The following BPGM variants were observed in gnomAD, a reference collection of about 807,000 sequenced individuals.
The protein encoded by BPGM is bisphosphoglycerate mutase, also known as 2,3-bisphosphoglycerate mutase, erythrocyte.
BPGM carries 15 observed loss-of-function variants against 21.6 expected under a neutral mutation model. The ratio of observed to expected loss-of-function variants is 0.70; its 90% CI spans 0.47 to 1.07. The LOEUF is 1.07. Among genes scored for constraint, BPGM ranks in the 50% least tolerant of loss-of-function variants. The pLI, the probability that BPGM is intolerant of heterozygous loss-of-function variation, is 0.00. For missense variants in BPGM, 273 were observed against 319.0 expected, an observed-to-expected ratio of 0.86 and a Z score of 1.10; for synonymous variants, 113 against 116.2, an observed-to-expected ratio of 0.97 and a Z score of 0.18.
At chr7:134,673,747 TCTCTC>T (rs2131459326) in intron 2 of BPGM, among the ~76,000 whole-genome samples, 1 of 152,152 alleles carries the variant, frequency 6.6e-6, no homozygotes, top group East Asian at 1.9e-4. Context: ...AACATTCTTC[TCTCTC>T]CTCCTCAGTA....
At chr7:134,663,146 G>A (rs1030421897) in intron 2 of BPGM, among the ~76,000 whole-genome samples, 2 of 152,194 alleles carry the variant, frequency 1.3e-5, no homozygotes, top group Non-Finnish European at 2.9e-5. Flanking sequence ...ATAAGAGGCT[G>A]TGACAAATAA....
Position 134,679,124 on chromosome 7 carries a change from C to T in BPGM, c.*93C>T. On this transcript the variant is annotated 3_prime_UTR_variant, in exon 3 of 3. Transcript: ENST00000344924. Reference sequence around the variant, plus strand: ...ACTCTCTCTCTTTTTCCCCGATTTTCCAGAGCTAGGCTGTGGAGTAGAGTT... The same window carrying T: ...ACTCTCTCTCTTTTTCCCCGATTTTTCAGAGCTAGGCTGTGGAGTAGAGTT... The T allele has an allele frequency of 1.4e-6, 2 of 1,431,254 alleles. No homozygotes were observed. The highest frequency in any genetic ancestry group is 1.2e-5 in the South Asian group (1 of 83,092). The allele number at this position is 1,431,254 out of a possible 1,614,324, so 88.7% of individuals were successfully genotyped here.
chr7:134,664,665 G>A (rs1795786736), intron 2 of BPGM, among the ~76,000 whole-genome samples: 1 of 152,116 alleles, frequency 6.6e-6, no homozygotes, highest in Non-Finnish European at 1.5e-5. Flanking sequence ...CTGCAGAGCA[G>A]CATTATTCAC....
At chr7:134,663,278 T>C (rs1480665245) in intron 2 of BPGM, among the ~76,000 whole-genome samples, 1 of 152,246 alleles carries the variant, frequency 6.6e-6, no homozygotes, top group Non-Finnish European at 1.5e-5. Flanking sequence ...AATCATTACT[T>C]GTATAGCTGA....
intron 1 of BPGM, among the ~76,000 whole-genome samples, chr7:134,647,788 T>G (rs187511403): frequency 6.6e-6 from 1 of 152,294 alleles, no homozygotes; most frequent in Admixed American, 6.5e-5. Context: ...CATGTCAATT[T>G]GTCTTTTATT....
intron 1 of BPGM, among the ~76,000 whole-genome samples, chr7:134,650,002 A>G (rs2347687): frequency 0.58 from 88,406 of 151,690 alleles, 26,726 homozygotes; most frequent in East Asian, 0.89. Flanking sequence ...ATCTCATTTA[A>G]TCTTTCTGAT....
At chr7:134,651,208 G>T (rs973705450) in intron 1 of BPGM, among the ~76,000 whole-genome samples, 3 of 152,076 alleles carry the variant, frequency 2.0e-5, no homozygotes, top group African/African-American at 7.2e-5. Flanking sequence ...GGTTCTATTT[G>T]TCTTATTTTA....
chr7:134,678,129 C>T (rs1796008761), intron 2 of BPGM, among the ~76,000 whole-genome samples: 1 of 152,224 alleles, frequency 6.6e-6, no homozygotes, highest in South Asian at 2.1e-4. Flanking sequence ...ACTGCTACTA[C>T]AACTACAGCT....
chr7:134,668,607 A>G (rs1763041103), intron 2 of BPGM, among the ~76,000 whole-genome samples: 1 of 152,190 alleles, frequency 6.6e-6, no homozygotes, highest in African/African-American at 2.4e-5. Flanking sequence ...GAACTAGAAC[A>G]TGGCTCTGAA....
At chr7:134,656,475 A>C (rs570562128) in intron 1 of BPGM, among the ~76,000 whole-genome samples, 103 of 152,352 alleles carry the variant, frequency 6.8e-4, no homozygotes, top group African/African-American at 2.4e-3. Context: ...AATTTTATAA[A>C]GGAAAGAGGT....
chr7:134,649,174 GT>G (rs200013019), intron 1 of BPGM, among the ~76,000 whole-genome samples: 21,915 of 150,486 alleles, frequency 0.15, 1,816 homozygotes, highest in African/African-American at 0.21. Flanking sequence ...CAATTAAATT[GT>G]TTTTTTTTTT....
At chr7:134,666,770 T>C (rs1795827513) in intron 2 of BPGM, among the ~76,000 whole-genome samples, 1 of 152,230 alleles carries the variant, frequency 6.6e-6, no homozygotes, top group Non-Finnish European at 1.5e-5. Context: ...GCATAAGTTA[T>C]TGTCTCTAAA....
intron 1 of BPGM, among the ~76,000 whole-genome samples, chr7:134,649,905 C>T (rs2347686): frequency 0.58 from 88,815 of 152,054 alleles, 26,941 homozygotes; most frequent in East Asian, 0.89. Flanking sequence ...ATTGCTTTGA[C>T]GGGCCTGAGA....
intron 2 of BPGM, among the ~76,000 whole-genome samples, chr7:134,671,503 A>G (rs1221048776): frequency 6.6e-6 from 1 of 151,926 alleles, no homozygotes. Flanking sequence ...CTGGGACTAC[A>G]GGTACCCGCC....
intron 2 of BPGM, among the ~76,000 whole-genome samples, chr7:134,678,302 T>G (rs1445530240): frequency 6.6e-6 from 1 of 152,206 alleles, no homozygotes; most frequent in Non-Finnish European, 1.5e-5. Flanking sequence ...CCTTCCTGAT[T>G]CCCTTGACTG....
At position 134,661,438 on chromosome 7, in the gene BPGM, T is replaced by C; in HGVS notation, c.-61-9T>C. The C allele has an allele frequency of 6.2e-7, 1 of 1,603,730 alleles. No homozygotes were observed. ...ATATAACTTAGACTTGTTGTTCTTG[T>C]CTTTCTAGATGTATTGCTGTCCTTG... On this transcript the variant is annotated splice_polypyrimidine_tract_variant and intron_variant, in intron 1 of 2. Transcript: ENST00000344924. This position sits in a 1 kb window ranked among gnomAD's most constrained non-coding sequence, Gnocchi z 4.6.
Position 134,679,061 on chromosome 7 carries a change from G to A in BPGM, c.*30G>A. 1 of 1,609,864 alleles carries A rather than the reference G, an allele frequency of 6.2e-7. No individual in the cohort carries two copies. Among genetic ancestry groups the A allele is most frequent in the Non-Finnish European group, 8.5e-7 (1 of 1,176,610 alleles). On this transcript the variant is annotated 3_prime_UTR_variant, in exon 3 of 3. Coordinates refer to ENST00000344924, the MANE Select transcript of BPGM (RefSeq NM_001724.5). ...TCTCAACTGTTGGCTAAGAAGAAAT[G>A]CAAAAGAAGTGGCATAGGAGTGTGT...
In BPGM at chr7:134,679,108, CT is replaced by C. The variant is rs1796026648; in HGVS notation, c.*82del. The C allele has an allele frequency of 6.6e-7, 1 of 1,511,972 alleles. No individual in the cohort carries two copies. 93.7% of individuals were successfully genotyped at this position (1,511,972 alleles called of 1,614,324 possible). A position where few individuals can be genotyped will look rare whatever the true frequency, so the allele number is the denominator to read the frequency against. ...GTGTTATGGGTGCTGAACTCTCTCTCTTTTTCCCCGATTTTCCAGAGCTAGG... is the reference window on the plus strand; with the variant it reads ...GTGTTATGGGTGCTGAACTCTCTCTCTTTTCCCCGATTTTCCAGAGCTAGG... On this transcript the variant is annotated 3_prime_UTR_variant, in exon 3 of 3. Transcript: ENST00000344924.
At chr7:134,665,040 G>A (rs1475687048) in intron 2 of BPGM, among the ~76,000 whole-genome samples, 1 of 152,172 alleles carries the variant, frequency 6.6e-6, no homozygotes, top group Admixed American at 6.6e-5. Flanking sequence ...GCACAACTCT[G>A]AATATGCTAA....
Sources: allele counts gnomAD v4.1 joint callset (sites outside exome capture counted in the v4.1 genomes callset), GRCh38; gene constraint gnomAD v4.1.1; non-coding constraint Gnocchi (gnomAD v3.1); transcripts MANE v1.5; gene names NCBI Gene and HGNC (gene_info 2026-07-23, HGNC 2026-07-21).